Variants in DEUP1 observed in about 807,000 individuals in gnomAD.
The protein encoded by DEUP1 is coiled-coil domain containing 67.
In DEUP1, 82 loss-of-function variants were observed where a neutral mutation model predicts 87.4. The observed-to-expected ratio is 0.94, with a 90% CI of 0.78 to 1.13. The LOEUF is 1.13. DEUP1 is among the 50% of genes most tolerant of loss of function. DEUP1 has a pLI of 0.00. For synonymous variants in DEUP1, 214 were observed against 222.7 expected, an observed-to-expected ratio of 0.96 and a Z score of 0.35; for missense variants, 663 against 681.5, an observed-to-expected ratio of 0.97 and a Z score of 0.30.
intron 8 of DEUP1, among the ~76,000 whole-genome samples, chr11:93,388,777 T>A (rs1946671159): frequency 6.6e-6 from 1 of 152,206 alleles, no homozygotes; most frequent in East Asian, 1.9e-4. Context: ...TGCCAATTTT[T>A]AATGTATAAT....
intron 9 of DEUP1, among the ~76,000 whole-genome samples, chr11:93,394,141 T>C (rs1946862869): frequency 6.6e-6 from 1 of 152,188 alleles, no homozygotes; most frequent in African/African-American, 2.4e-5. Context: ...AAAGCCAATT[T>C]TTTTCTCCAT....
intron 4 of DEUP1, among the ~76,000 whole-genome samples, chr11:93,358,564 A>G (rs891853463): frequency 2.6e-5 from 4 of 152,020 alleles, no homozygotes; most frequent in African/African-American, 9.7e-5. Context: ...GATATTGGAC[A>G]ATGGAGCTCT....
chr11:93,411,597 T>C (rs1472894357), intron 12 of DEUP1, among the ~76,000 whole-genome samples: 1 of 152,184 alleles, frequency 6.6e-6, no homozygotes, highest in African/African-American at 2.4e-5. Flanking sequence ...TGATTGAATT[T>C]GGTGTGGATG....
At chr11:93,351,794 G>A (rs575662201) in intron 2 of DEUP1, among the ~76,000 whole-genome samples, 1 of 152,260 alleles carries the variant, frequency 6.6e-6, no homozygotes, top group East Asian at 1.9e-4. Context: ...CCTCTCTGAT[G>A]TCAAAACTGG....
chr11:93,373,627 A>ATATATATATATATATATGTG (rs1945871039), intron 7 of DEUP1, among the ~76,000 whole-genome samples: 4 of 119,886 alleles, frequency 3.3e-5, no homozygotes, highest in African/African-American at 1.3e-4. Context: ...ATATATACGT[A>ATATATATATATATATATGTG]TATATATATA....
chr11:93,341,317 G>T (rs996231847), intron 2 of DEUP1, among the ~76,000 whole-genome samples: 3 of 151,924 alleles, frequency 2.0e-5, no homozygotes, highest in African/African-American at 7.3e-5. Flanking sequence ...TACTCAGGAG[G>T]CTGAGGCAGA....
At chr11:93,386,285 A>G (rs1054396853) in intron 8 of DEUP1, among the ~76,000 whole-genome samples, 1 of 152,168 alleles carries the variant, frequency 6.6e-6, no homozygotes, top group Non-Finnish European at 1.5e-5. Context: ...AAAATCAGAC[A>G]GATATTGTAT....
Position 93,417,626 on chromosome 11 carries a change from G to T in DEUP1, c.1638+2512G>T, listed in dbSNP as rs1316663187. 3.3e-5 allele frequency among the ~76,000 whole-genome samples: 5 copies of T among 151,990 alleles called. No individual in the cohort carries two copies. The East Asian group carries it at 9.7e-4, about 29-fold the overall frequency. Reference sequence around the variant, plus strand: ...CTGCCCAAGGTAATTTATAGATTCAGTGCCATCCCCATCAAGCTACCAATG... The same window carrying T: ...CTGCCCAAGGTAATTTATAGATTCATTGCCATCCCCATCAAGCTACCAATG... On this transcript the variant is annotated intron_variant, in intron 13 of 13. Transcript: ENST00000298050.
chr11:93,343,715 C>T (rs564826485), intron 2 of DEUP1, among the ~76,000 whole-genome samples: 3 of 152,250 alleles, frequency 2.0e-5, no homozygotes, highest in African/African-American at 7.2e-5. Flanking sequence ...TTTGTATGAG[C>T]CTATAATTCT....
At chr11:93,429,167 GAAGTA>G (rs1256217229) in intron 13 of DEUP1, among the ~76,000 whole-genome samples, 1 of 152,126 alleles carries the variant, frequency 6.6e-6, no homozygotes, top group Non-Finnish European at 1.5e-5. Flanking sequence ...GTAGAGACTA[GAAGTA>G]AAGTTAAGCT....
chr11:93,403,123 A>T (rs1273215614), intron 11 of DEUP1, among the ~76,000 whole-genome samples: 1 of 151,974 alleles, frequency 6.6e-6, no homozygotes, highest in Admixed American at 6.6e-5. Context: ...CTCTGAAAAT[A>T]CATCTATTGT....
chr11:93,410,941 TTGTTGAAAGTTTC>T (rs1452369163), intron 12 of DEUP1: 1 of 152,222 alleles, frequency 6.6e-6, no homozygotes, highest in Non-Finnish European at 1.5e-5. Context: ...CCAGTTTCAT[TTGTTGAAAGTTTC>T]ATTAAATTTG....
chr11:93,431,168 G>A (rs371318397), intron 13 of DEUP1, among the ~76,000 whole-genome samples: 1 of 151,770 alleles, frequency 6.6e-6, no homozygotes, highest in Non-Finnish European at 1.5e-5. Flanking sequence ...AAGAAAAGCA[G>A]GTAATGTGAT....
chr11:93,372,294 T>A (rs1337104653), intron 7 of DEUP1, among the ~76,000 whole-genome samples: 1 of 152,140 alleles, frequency 6.6e-6, no homozygotes, highest in Admixed American at 6.5e-5. Flanking sequence ...AGGTTTTTTC[T>A]CCCACCTCCA....
intron 9 of DEUP1, among the ~76,000 whole-genome samples, chr11:93,392,303 G>T (rs1351467142): frequency 6.6e-6 from 1 of 152,188 alleles, no homozygotes; most frequent in Non-Finnish European, 1.5e-5. Flanking sequence ...TTCCCACAGA[G>T]GTTGCAGAGC....
intron 4 of DEUP1, among the ~76,000 whole-genome samples, chr11:93,360,554 C>T (rs1475449626): frequency 6.6e-6 from 1 of 151,902 alleles, no homozygotes; most frequent in Admixed American, 6.6e-5. Flanking sequence ...ACAAATATGG[C>T]TTGAAATAAA....
intron 2 of DEUP1, among the ~76,000 whole-genome samples, chr11:93,345,326 G>T (rs564095232): frequency 6.6e-6 from 1 of 152,294 alleles, no homozygotes; most frequent in Non-Finnish European, 1.5e-5. Flanking sequence ...CATAACATGT[G>T]CATGTGTCTT....
chr11:93,421,066 T>A, intron 13 of DEUP1, among the ~76,000 whole-genome samples: 1 of 35,998 alleles, frequency 2.8e-5, no homozygotes, highest in Non-Finnish European at 5.0e-5. Context: ...CATTTCCATC[T>A]GAGGTACCGG....
Position 93,355,493 on chromosome 11 carries a change from A to T in DEUP1, c.152A>T (p.Asp51Val). ...TTGGAGACACGATTAGATCTTCGGGATCAAGAATTGGCAAATGCACAAACT... is the reference window on the plus strand; with the variant it reads ...TTGGAGACACGATTAGATCTTCGGGTTCAAGAATTGGCAAATGCACAAACT... ...RALETRLDLR[D>V]QELANAQTCL... The change falls in exon 3 of 14, where the codon GAT (aspartate) becomes GTT (valine). Residue 51 changes from aspartate (D) to valine (V), a missense_variant. Physicochemically the swap from Asp to Val is radical, Grantham distance 152. Transcript: ENST00000298050. The T allele has an allele frequency of 6.2e-7, 1 of 1,613,898 alleles. No homozygotes were observed. The highest frequency in any genetic ancestry group is 8.5e-7 in the Non-Finnish European group (1 of 1,179,828).
Sources: gnomAD v4.1 joint callset for allele counts (sites outside exome capture counted in the v4.1 genomes callset) on GRCh38, gnomAD v4.1.1 for gene constraint, MANE v1.5 for transcripts, NCBI Gene and HGNC (gene_info 2026-07-23, HGNC 2026-07-21) for gene names.